DGKB: variants seen among roughly 807,000 people sequenced by gnomAD.
The protein encoded by DGKB is diacylglycerol kinase beta, also known as 90 kDa diacylglycerol kinase.
In DGKB, 67 loss-of-function variants were observed where a neutral mutation model predicts 114.3. That is an observed-to-expected ratio of 0.59 (90% confidence interval 0.48 to 0.72). The LOEUF (loss-of-function observed/expected upper bound fraction) is 0.72, where lower values mean the gene tolerates loss of function less well. Ranked by LOEUF, DGKB falls within the 30% of genes least tolerant of loss-of-function variation. The pLI is 0.00. For missense variants in DGKB, 907 were observed against 975.2 expected, an observed-to-expected ratio of 0.93 and a Z score of 0.93; for synonymous variants, 398 against 323.1, an observed-to-expected ratio of 1.23 and a Z score of -2.49.
intron 20 of DGKB, among the ~76,000 whole-genome samples, chr7:14,508,484 A>T (rs1237491937): frequency 6.6e-6 from 1 of 152,180 alleles, no homozygotes; most frequent in African/African-American, 2.4e-5. Context: ...TATCTCCTGA[A>T]GGTGTTGATT....
At chr7:14,493,692 T>C (rs1220951990) in intron 20 of DGKB, among the ~76,000 whole-genome samples, 2 of 152,058 alleles carry the variant, frequency 1.3e-5, no homozygotes, top group Non-Finnish European at 2.9e-5. Flanking sequence ...CAAGATTTCA[T>C]CATGCTACTA....
At chr7:14,334,273 T>A (rs1810256222) in intron 23 of DGKB, among the ~76,000 whole-genome samples, 1 of 152,118 alleles carries the variant, frequency 6.6e-6, no homozygotes, top group Non-Finnish European at 1.5e-5. Context: ...TCATGAGATA[T>A]GCAAAGACAT....
At chr7:14,866,319 G>A (rs1851707816) in intron 1 of DGKB, among the ~76,000 whole-genome samples, 1 of 152,056 alleles carries the variant, frequency 6.6e-6, no homozygotes, top group African/African-American at 2.4e-5. Context: ...CATTCTATGG[G>A]TTTGGACAAA....
At chr7:14,304,058 C>CAT (rs1204910271) in intron 23 of DGKB, among the ~76,000 whole-genome samples, 2 of 50,864 alleles carry the variant, frequency 3.9e-5, no homozygotes, top group African/African-American at 2.2e-4. Context: ...CACACACACA[C>CAT]ACACACACAC....
chr7:14,653,887 A>G (rs895768437), intron 13 of DGKB, among the ~76,000 whole-genome samples: 1 of 152,128 alleles, frequency 6.6e-6, no homozygotes, highest in Non-Finnish European at 1.5e-5. Flanking sequence ...ATATACCCCT[A>G]CACAATAAAG....
chr7:14,750,333 A>G (rs1833924589), intron 4 of DGKB: 5 of 406,214 alleles, frequency 1.2e-5, no homozygotes, highest in Non-Finnish European at 2.4e-5. Context: ...TTGAGAAAAA[A>G]AAGATATACA....
chr7:14,280,230 T>C (rs367759096), intron 23 of DGKB, among the ~76,000 whole-genome samples: 100 of 152,086 alleles, frequency 6.6e-4, no homozygotes, highest in African/African-American at 2.3e-3. Flanking sequence ...CCTCAGGAGC[T>C]GATGCGATCA....
chr7:14,311,579 T>C lies in DGKB; in HGVS notation c.2122+26936A>G, dbSNP rs143632754. On this transcript the variant is annotated intron_variant, in intron 23 of 25. Transcript: ENST00000402815. ...CTGGGATGACCGGTGCATGCCACCA[T>C]GCCTGGCGAACTTCTTTTGTGTTTT... 3.9e-3 allele frequency among the ~76,000 whole-genome samples: 595 copies of C among 152,240 alleles called. 3 individuals carry two copies. The highest frequency in any genetic ancestry group is 8.0e-3 in the Admixed American group (122 of 15,296).
intron 2 of DGKB, among the ~76,000 whole-genome samples, chr7:14,792,156 T>G (rs1415641605): frequency 6.6e-6 from 1 of 152,132 alleles, no homozygotes; most frequent in African/African-American, 2.4e-5. Context: ...AAATCTACCT[T>G]TTGTGTTTTC....
In DGKB at chr7:14,580,919, C is replaced by T. The variant is rs1385628520; in HGVS notation, c.1552G>A (p.Ala518Thr). 6.2e-7 allele frequency: 1 copy of T among 1,604,172 alleles called. No individual in the cohort carries two copies. The highest frequency in any genetic ancestry group is 8.5e-7 in the Non-Finnish European group (1 of 1,173,368). Residue 518 changes from alanine to threonine, a missense_variant, in exon 19 of 26, where the codon GCG becomes ACG. Around this residue, in one of 3 missense-constraint regions of DGKB, gnomAD observed 814 missense variants for 856.6 expected, o/e 0.95. Coordinates refer to ENST00000402815, the MANE Select transcript of DGKB (RefSeq NM_001350709.2). ...KANVGKHPPV[A>T]ILPLGTGNDL... ...TTGCCAGTCCCAAGAGGCAGAATCG[C>T]AACTGGAGGATGCTTGCCTACATTG...
intron 5 of DGKB, among the ~76,000 whole-genome samples, chr7:14,733,830 G>T (rs889684131): frequency 2.8e-4 from 43 of 151,486 alleles, no homozygotes; most frequent in African/African-American, 1.0e-3. Flanking sequence ...AGGAAGGAGG[G>T]AAGGAAGAAA....
chr7:14,597,762 T>C (rs1435340637), intron 17 of DGKB, among the ~76,000 whole-genome samples: 1 of 152,116 alleles, frequency 6.6e-6, no homozygotes, highest in Non-Finnish European at 1.5e-5. Flanking sequence ...TTATTATTAT[T>C]ATTTTGGTCC....
At chr7:14,223,680 G>A (rs561079722) in intron 23 of DGKB, among the ~76,000 whole-genome samples, 1 of 151,784 alleles carries the variant, frequency 6.6e-6, no homozygotes, top group South Asian at 2.1e-4. Context: ...ATTACTCAAC[G>A]TGAGTGAGTT....
At chr7:14,966,032 C>A (rs1171363502) in intron 1 of DGKB, among the ~76,000 whole-genome samples, 1 of 151,818 alleles carries the variant, frequency 6.6e-6, no homozygotes, top group East Asian at 1.9e-4. Context: ...TATAAATATT[C>A]TAAAACAATT....
At chr7:14,854,153 A>C (rs1849786811) in intron 1 of DGKB, among the ~76,000 whole-genome samples, 1 of 152,116 alleles carries the variant, frequency 6.6e-6, no homozygotes, top group Non-Finnish European at 1.5e-5. Context: ...CGATTTGCCA[A>C]GTTAAACGTA....
At chr7:14,369,728 G>T (rs897719687) in intron 21 of DGKB, among the ~76,000 whole-genome samples, 14 of 152,160 alleles carry the variant, frequency 9.2e-5, no homozygotes, top group Admixed American at 3.9e-4. Flanking sequence ...CTTTTGAGAA[G>T]TGTCTGTTCA....
Position 14,178,028 on chromosome 7 carries a change from T to C in DGKB, c.2243+3A>G, listed in dbSNP as rs374803739. On this transcript the variant is annotated splice_donor_region_variant and intron_variant, in intron 24 of 25. Transcript: ENST00000402815. ...CCTTTGTCAGTTACAGAAAGGGAAC[T>C]ACCTGATGACCACGCAGGAGCACTG... The C allele has an allele frequency of 9.6e-6, 15 of 1,555,338 alleles. No homozygotes were observed. The African/African-American group carries it at 2.1e-4, about 22-fold the overall frequency.
At position 14,715,450 on chromosome 7, in the gene DGKB, T is replaced by C. The variant is rs569434235; in HGVS notation, c.466+3092A>G. ...CAAATCAGCCCTGAGACCATGTCCT[T>C]GTTCATTCACAGAGGCTGTTGGTAA... is the stretch of plus-strand genomic sequence containing the variant. On this transcript the variant is annotated intron_variant, in intron 6 of 25. Coordinates refer to ENST00000402815, the MANE Select transcript of DGKB (RefSeq NM_001350709.2). 6.6e-5 allele frequency among the ~76,000 whole-genome samples: 10 copies of C among 152,180 alleles called. No individual in the cohort carries two copies. The South Asian group carries it at 1.9e-3, about 28-fold the overall frequency.
chr7:14,941,743 T>C (rs1785582552), intron 1 of DGKB, among the ~76,000 whole-genome samples: 1 of 152,044 alleles, frequency 6.6e-6, no homozygotes, highest in African/African-American at 2.4e-5. Flanking sequence ...CAAAATTTTT[T>C]AATGGTACTA....
Sources: gnomAD v4.1 joint callset for allele counts (sites outside exome capture counted in the v4.1 genomes callset) on GRCh38, gnomAD v4.1.1 for gene constraint, gnomAD v4.1.1 regional missense constraint, MANE v1.5 for transcripts, NCBI Gene and HGNC (gene_info 2026-07-23, HGNC 2026-07-21) for gene names.